The following COX20 variants were observed in gnomAD, a reference collection of about 807,000 sequenced individuals.
COX20 encodes cytochrome c oxidase assembly factor COX20.
A neutral mutation model predicts 14.3 loss-of-function variants in COX20; 14 were observed. The observed-to-expected ratio is 0.98, with a 90% confidence interval of 0.65 to 1.53. COX20 has a LOEUF of 1.53. COX20 is among the 40% of genes most tolerant of loss of function. COX20 has a pLI of 0.00. For missense variants in COX20, 149 were observed against 142.1 expected, an observed-to-expected ratio of 1.05 and a Z score of -0.25; for synonymous variants, 56 against 51.7, an observed-to-expected ratio of 1.08 and a Z score of -0.36.
rs1679947021 is a variant in COX20 at position 244,835,671 on chromosome 1, C to T, written c.-44C>T. On this transcript the variant is annotated 5_prime_UTR_variant, in exon 1 of 4. Transcript: ENST00000411948. ...GCGGCCAGCCGGGCTTCTGCTTCCG[C>T]GACCCCGGCGGTGCAGGGCGGGTGG... The T allele has an allele frequency of 4.9e-6, 6 of 1,234,500 alleles. No individual in the cohort carries two copies. Among genetic ancestry groups the T allele is most frequent in the African/African-American group, 4.7e-5 (3 of 64,256 alleles). The allele number at this position is 1,234,500 out of a possible 1,614,324, so 76.5% of individuals were successfully genotyped here.
intron 1 of COX20, among the ~76,000 whole-genome samples, chr1:244,839,521 G>C (rs764126441): frequency 1.3e-5 from 2 of 152,084 alleles, no homozygotes; most frequent in African/African-American, 2.4e-5. Context: ...GAATAGAAGA[G>C]AAATGTTAAA....
intron 1 of COX20, among the ~76,000 whole-genome samples, chr1:244,838,670 CAAGT>C (rs140212966): frequency 0.022 from 3,382 of 152,268 alleles, 37 homozygotes; most frequent in Middle Eastern, 0.027. Flanking sequence ...ATGCCTCACT[CAAGT>C]GAGTTAAAGG....
chr1:244,838,521 C>A (rs941945040), intron 1 of COX20, among the ~76,000 whole-genome samples: 4 of 152,114 alleles, frequency 2.6e-5, no homozygotes, highest in Admixed American at 1.3e-4. Flanking sequence ...AACCAGGAGA[C>A]GTATTTGAAG....
chr1:244,835,572 T>C (rs1448167080), upstream of COX20: 4 of 517,226 alleles, frequency 7.7e-6, no homozygotes, highest in Non-Finnish European at 1.2e-5. Flanking sequence ...GTTAGGAACA[T>C]TCCCTAAAAT....
At chr1:244,835,565 A>G (rs1679937864), upstream of COX20, 1 of 479,782 alleles carries the variant, frequency 2.1e-6, no homozygotes, top group African/African-American at 2.0e-5. Flanking sequence ...GCGGAGCGTT[A>G]GGAACATTCC....
At chr1:244,835,602 C>T (rs1573305920), upstream of COX20, 8 of 801,018 alleles carry the variant, frequency 1.0e-5, no homozygotes, top group South Asian at 4.1e-4. Context: ...CGCGTCGGAA[C>T]AGGGCGGGAG....
chr1:244,841,883 C>T, intron 1 of COX20, 61 bp from the exon 2 acceptor site: 1 of 1,058,460 alleles, frequency 9.4e-7, no homozygotes. Context: ...GTCATTTTTG[C>T]CAAAGCACCC....
At chr1:244,842,084 C>T (rs762343890) in intron 2 of COX20, 26 bp downstream of exon 2, 4 of 1,539,928 alleles carry the variant, frequency 2.6e-6, no homozygotes, top group Non-Finnish European at 3.6e-6. Context: ...TTTTATTTCT[C>T]TATGTACTAA....
intron 1 of COX20, among the ~76,000 whole-genome samples, chr1:244,835,997 T>G (rs981979880): frequency 2.0e-5 from 3 of 152,200 alleles, no homozygotes; most frequent in African/African-American, 7.2e-5. Flanking sequence ...TTACTACAGG[T>G]CATTATGAAA....
Position 244,836,624 on chromosome 1 carries a change from C to T in COX20, c.42+868C>T. ...AACAGGTATTCAGAAAAGAATAATG[C>T]AAGAGGAAAAAAGTTTAATATAAAC... On this transcript the variant is annotated intron_variant, in intron 1 of 3. Coordinates refer to ENST00000411948, the MANE Select transcript of COX20 (RefSeq NM_198076.6). The T allele has an allele frequency of 3.8e-6, 4 of 1,066,142 alleles. No individual in the cohort carries two copies. In the South Asian group the frequency reaches 5.9e-5, roughly 16 times the overall value. 66.0% of individuals were successfully genotyped at this position (1,066,142 alleles called of 1,614,324 possible).
At chr1:244,836,260 C>T (rs1043829882) in intron 1 of COX20, among the ~76,000 whole-genome samples, 13 of 152,192 alleles carry the variant, frequency 8.5e-5, no homozygotes, top group Non-Finnish European at 1.3e-4. Flanking sequence ...TCCCTGTCTC[C>T]ATACTCTCCT....
chr1:244,837,855 C>T (rs1484474389), intron 1 of COX20, among the ~76,000 whole-genome samples: 1 of 152,156 alleles, frequency 6.6e-6, no homozygotes, highest in East Asian at 1.9e-4. Flanking sequence ...TATGAAAGAG[C>T]ATGGGATCAT....
chr1:244,842,122 ATTTT>A, intron 2 of COX20, 64 bp downstream of exon 2: 3 of 1,464,048 alleles, frequency 2.0e-6, no homozygotes, highest in Non-Finnish European at 2.9e-6. Context: ...ATAATGAACT[ATTTT>A]TTTTTCTAGG....
At position 244,835,704 on chromosome 1, in the gene COX20, G is replaced by A; in HGVS notation, c.-11G>A. ...GCGGTGCAGGGCGGGTGGAGTCGCG[G>A]AGTAGTCCTCATGGCCGCCCCGCCG... On this transcript the variant is annotated 5_prime_UTR_variant, in exon 1 of 4. Coordinates refer to ENST00000411948, the MANE Select transcript of COX20 (RefSeq NM_198076.6). 7.9e-7 allele frequency: 1 copy of A among 1,262,734 alleles called. No homozygotes were observed. The highest frequency in any genetic ancestry group is 1.0e-6 in the Non-Finnish European group (1 of 1,001,360). 78.2% of individuals were successfully genotyped at this position (1,262,734 alleles called of 1,614,324 possible).
chr1:244,839,264 G>A (rs929930527), intron 1 of COX20, among the ~76,000 whole-genome samples: 4 of 152,026 alleles, frequency 2.6e-5, no homozygotes, highest in South Asian at 2.1e-4. Flanking sequence ...AAAGAAATAC[G>A]GGCACTGAAG....
At chr1:244,835,577 T>C (rs1376903579), upstream of COX20, 3 of 571,442 alleles carry the variant, frequency 5.2e-6, no homozygotes, top group African/African-American at 3.9e-5. Flanking sequence ...GAACATTCCC[T>C]AAAATGGCGG....
At position 244,835,736 on chromosome 1, in the gene COX20, G is replaced by C; in HGVS notation, c.22G>C (p.Gly8Arg). MAAPPEP[G>R]EPEERKSLKL... The stretch of plus-strand genomic sequence containing the variant: ...CCTCATGGCCGCCCCGCCGGAGCCC[G>C]GTGAGCCCGAGGAGAGGAAGGTAAC... Residue 8 changes from glycine to arginine, a missense_variant, in exon 1 of 4, where the codon GGT becomes CGT. Gly to Arg is a moderately radical substitution (Grantham distance 125). Coordinates refer to ENST00000411948, the MANE Select transcript of COX20 (RefSeq NM_198076.6). 2.4e-6 allele frequency: 3 copies of C among 1,274,654 alleles called. No individual in the cohort carries two copies. The highest frequency in any genetic ancestry group is 3.0e-6 in the Non-Finnish European group (3 of 1,006,672). 79.0% of individuals were successfully genotyped at this position (1,274,654 alleles called of 1,614,324 possible). A position where few individuals can be genotyped will look rare whatever the true frequency, so the allele number is the denominator to read the frequency against.
chr1:244,841,224 A>C (rs915029769), intron 1 of COX20: 2 of 152,272 alleles, frequency 1.3e-5, no homozygotes, highest in African/African-American at 4.8e-5. Flanking sequence ...GAGACCATAG[A>C]AATAAAAGTA....
intron 1 of COX20, among the ~76,000 whole-genome samples, chr1:244,838,546 A>G (rs1044358606): frequency 1.3e-5 from 2 of 152,242 alleles, no homozygotes; most frequent in Non-Finnish European, 2.9e-5. Context: ...GTAAAAGTAA[A>G]AAAGTTTCAA....
Sources: gnomAD v4.1 joint callset for allele counts (sites outside exome capture counted in the v4.1 genomes callset) on GRCh38, gnomAD v4.1.1 for gene constraint, MANE v1.5 for transcripts, NCBI Gene and HGNC (gene_info 2026-07-23, HGNC 2026-07-21) for gene names.